Variants in PLEKHB1 observed in about 807,000 individuals in gnomAD.
PLEKHB1 encodes the protein pleckstrin homology domain-containing family B member 1.
Under a neutral mutation model 36.2 loss-of-function variants are expected in PLEKHB1, and 29 were observed. The observed-to-expected ratio is 0.80, with a 90% CI of 0.60 to 1.09. PLEKHB1 has a LOEUF of 1.09. Ranked by LOEUF, PLEKHB1 falls within the 50% of genes least tolerant of loss-of-function variation. The pLI is 0.00. For missense variants in PLEKHB1, 330 were observed against 348.2 expected, an observed-to-expected ratio of 0.95 and a Z score of 0.42; for synonymous variants, 138 against 140.0, an observed-to-expected ratio of 0.99 and a Z score of 0.10.
rs780447046 is a variant in PLEKHB1 at position 73,649,096 on chromosome 11, T to C, written c.94+9T>C. ...CTGGCTGTGGAGACAGAGTGAGTGA[T>C]CCTGGGCCCCTGGTCCTGGGGCAGG... On this transcript the variant is annotated intron_variant, in intron 2 of 7. Coordinates refer to ENST00000354190, the MANE Select transcript of PLEKHB1 (RefSeq NM_021200.3). 38 of 1,590,220 alleles carry C rather than the reference T, an allele frequency of 2.4e-5. No individual in the cohort carries two copies. Among genetic ancestry groups the C allele is most frequent in the Non-Finnish European group, 3.0e-5 (35 of 1,168,288 alleles).
At position 73,661,074 on chromosome 11, in the gene PLEKHB1, C is replaced by A; in HGVS notation, c.595+222C>A. 3 of 602,572 alleles carry A rather than the reference C, an allele frequency of 5.0e-6. No individual in the cohort carries two copies. The highest frequency in any genetic ancestry group is 4.4e-4 in the Middle Eastern group (1 of 2,250). The allele number at this position is 602,572 out of a possible 1,614,324, so 37.3% of individuals were successfully genotyped here. ...TCACCCTTCTGGGATGGCTCCTCAG[C>A]CCTGCGGTCGGCAATACCCATTCCT... On this transcript the variant is annotated intron_variant, in intron 7 of 7. Transcript: ENST00000354190. This position sits in a 1 kb window ranked among gnomAD's most constrained non-coding sequence, Gnocchi z 4.6.
At chr11:73,647,590 C>CG in intron 1 of PLEKHB1, 1 of 985,438 alleles carries the variant, frequency 1.0e-6, no homozygotes, top group African/African-American at 1.7e-5. Context: ...GGGCGGGGCC[C>CG]GGGGGCAGCT....
intron 2 of PLEKHB1, among the ~76,000 whole-genome samples, chr11:73,649,924 G>A (rs901444897): frequency 3.3e-5 from 5 of 152,212 alleles, no homozygotes; most frequent in African/African-American, 9.7e-5. Flanking sequence ...ATAAGAGGCC[G>A]GGCACAGTGG....
At chr11:73,656,048 G>A (rs1397363276) in intron 6 of PLEKHB1, 141 bp downstream of exon 6, 11 of 712,246 alleles carry the variant, frequency 1.5e-5, no homozygotes, top group Non-Finnish European at 2.2e-5. Flanking sequence ...CTGCTCTGCT[G>A]TACCCTCTGT....
At chr11:73,659,861 C>A (rs1326550272) in intron 6 of PLEKHB1, among the ~76,000 whole-genome samples, 1 of 152,188 alleles carries the variant, frequency 6.6e-6, no homozygotes, top group African/African-American at 2.4e-5. Context: ...GTGTAACACA[C>A]GTGATCACTT....
chr11:73,653,961 G>T (rs530413012), intron 5 of PLEKHB1, among the ~76,000 whole-genome samples: 1 of 151,870 alleles, frequency 6.6e-6, no homozygotes, highest in South Asian at 2.1e-4. Flanking sequence ...GATAATTGTT[G>T]TAACGTTGGG....
chr11:73,661,882 A>G lies in PLEKHB1; in HGVS notation c.*280A>G. Reference sequence around the variant, plus strand: ...TATGGATACATTTCCTCTAAACACAACAGGGCACAGCAAATACGACTTCAT... The same window carrying G: ...TATGGATACATTTCCTCTAAACACAGCAGGGCACAGCAAATACGACTTCAT... On this transcript the variant is annotated 3_prime_UTR_variant, in exon 8 of 8. Coordinates refer to ENST00000354190, the MANE Select transcript of PLEKHB1 (RefSeq NM_021200.3). The surrounding 1 kb of genome is among the most constrained non-coding windows in gnomAD (Gnocchi z 4.6). The G allele has an allele frequency of 2.5e-6, 1 of 398,128 alleles. No homozygotes were observed. Among genetic ancestry groups the G allele is most frequent in the Non-Finnish European group, 4.5e-6 (1 of 221,290 alleles). 24.7% of individuals were successfully genotyped at this position (398,128 alleles called of 1,614,324 possible).
rs1944866343 is a variant in PLEKHB1 at position 73,650,552 on chromosome 11, G to T, written c.95-1G>T. 1 of 1,607,576 alleles carries T rather than the reference G, an allele frequency of 6.2e-7. No homozygotes were observed. The highest frequency in any genetic ancestry group is 8.5e-7 in the Non-Finnish European group (1 of 1,177,044). On this transcript the variant is annotated splice_acceptor_variant, in intron 2 of 7. Coordinates refer to ENST00000354190, the MANE Select transcript of PLEKHB1 (RefSeq NM_021200.3). LOFTEE classifies it high-confidence loss of function. The stretch of plus-strand genomic sequence containing the variant: ...CCTAGTGCATCTGGAATATCGTACA[G>T]GCTCCATCCTCCGCCGCTGGAAGCG...
intron 1 of PLEKHB1, chr11:73,647,691 C>T: frequency 1.0e-6 from 1 of 985,446 alleles, no homozygotes; most frequent in Non-Finnish European, 1.2e-6. Flanking sequence ...GCAGCAGCAT[C>T]GAGTAGCGGC....
intron 4 of PLEKHB1, chr11:73,652,371 C>T (rs771886285): frequency 5.8e-6 from 1 of 172,544 alleles, no homozygotes; most frequent in Admixed American, 5.8e-5. Flanking sequence ...CTGGGTGTGT[C>T]CTTCTCAGGC....
At chr11:73,652,948 C>G in intron 4 of PLEKHB1, 27 bp from the exon 5 acceptor site, 1 of 1,595,356 alleles carries the variant, frequency 6.3e-7, no homozygotes, top group Non-Finnish European at 8.6e-7. Flanking sequence ...ACTCCCTCCT[C>G]ATGGTCTGGT....
chr11:73,659,169 T>G (rs1480900132), intron 6 of PLEKHB1, among the ~76,000 whole-genome samples: 1 of 149,192 alleles, frequency 6.7e-6, no homozygotes, highest in African/African-American at 2.5e-5. Context: ...GAGGTTGCAG[T>G]GAGCTGATAC....
chr11:73,652,019 A>G (rs1944908144), intron 4 of PLEKHB1, 129 bp downstream of exon 4: 2 of 770,142 alleles, frequency 2.6e-6, no homozygotes, highest in African/African-American at 3.5e-5. Context: ...AGGGAGTCTT[A>G]TTGGAGGCGG....
In PLEKHB1 at chr11:73,660,642, C is replaced by T. The variant is rs943437479; in HGVS notation, c.496-111C>T. The T allele has an allele frequency of 2.8e-5, 29 of 1,028,650 alleles. No individual in the cohort carries two copies. The African/African-American group carries it at 4.2e-4, about 15-fold the overall frequency. The allele number at this position is 1,028,650 out of a possible 1,614,324, so 63.7% of individuals were successfully genotyped here. On this transcript the variant is annotated intron_variant, in intron 6 of 7. Coordinates refer to ENST00000354190, the MANE Select transcript of PLEKHB1 (RefSeq NM_021200.3). ...TAGTGGCTGGAGGCCCATTTCTAAA[C>T]TTGGGGAGGTGGCTCCATGGATCCC...
chr11:73,651,521 G>T (rs1944892520), intron 3 of PLEKHB1: 2 of 629,070 alleles, frequency 3.2e-6, no homozygotes, highest in African/African-American at 3.6e-5. Context: ...CAGAGTCACA[G>T]CAAATCTCCA....
At position 73,661,445 on chromosome 11, in the gene PLEKHB1, A is replaced by C. The variant is rs778993060; in HGVS notation, c.596-21A>C. 6.2e-7 allele frequency: 1 copy of C among 1,613,416 alleles called. No individual in the cohort carries two copies. Among genetic ancestry groups the C allele is most frequent in the East Asian group, 2.2e-5 (1 of 44,860 alleles). Reference sequence around the variant, plus strand: ...ACTCCCTCCTAAGTCGCTGATCCTCATGGGCTGTCTCCCTCTGCAGGCCCT... The same window carrying C: ...ACTCCCTCCTAAGTCGCTGATCCTCCTGGGCTGTCTCCCTCTGCAGGCCCT... On this transcript the variant is annotated intron_variant, in intron 7 of 7. Coordinates refer to ENST00000354190, the MANE Select transcript of PLEKHB1 (RefSeq NM_021200.3). The surrounding 1 kb of genome is among the most constrained non-coding windows in gnomAD (Gnocchi z 4.6).
At chr11:73,659,506 C>T (rs1252446310) in intron 6 of PLEKHB1, among the ~76,000 whole-genome samples, 1 of 152,144 alleles carries the variant, frequency 6.6e-6, no homozygotes, top group African/African-American at 2.4e-5. Flanking sequence ...TTCTTGGTTC[C>T]TGGTATGCAC....
chr11:73,659,191 A>G (rs1590802715), intron 6 of PLEKHB1, among the ~76,000 whole-genome samples: 1 of 149,804 alleles, frequency 6.7e-6, no homozygotes, highest in Non-Finnish European at 1.5e-5. Flanking sequence ...ATGCCATTGC[A>G]CTCCAGCCTG....
chr11:73,651,921 A>G, intron 4 of PLEKHB1, 31 bp downstream of exon 4: 1 of 1,594,474 alleles, frequency 6.3e-7, no homozygotes. Context: ...GATGGGGTGG[A>G]ATCTCGGGGA....
Sources: allele counts gnomAD v4.1 joint callset (sites outside exome capture counted in the v4.1 genomes callset), GRCh38; gene constraint gnomAD v4.1.1; non-coding constraint Gnocchi (gnomAD v3.1); transcripts MANE v1.5; gene names NCBI Gene and HGNC (gene_info 2026-07-23, HGNC 2026-07-21).